The following PRDM6 variants were observed in gnomAD, a reference collection of about 807,000 sequenced individuals.
PRDM6 encodes the protein putative histone-lysine N-methyltransferase PRDM6.
Under a neutral mutation model 60.8 loss-of-function variants are expected in PRDM6, and 25 were observed. The ratio of observed to expected loss-of-function variants is 0.41; its 90% confidence interval spans 0.30 to 0.57. The LOEUF (loss-of-function observed/expected upper bound fraction) is 0.57, where lower values mean the gene tolerates loss of function less well. Among genes scored for constraint, PRDM6 ranks in the 20% least tolerant of loss-of-function variants. The probability of loss-of-function intolerance (pLI) is 0.27; values close to 1 mark genes in which losing one functional copy is unlikely to be tolerated. For synonymous variants in PRDM6, 407 were observed against 357.4 expected, an observed-to-expected ratio of 1.14 and a Z score of -1.57; for missense variants, 839 against 821.3, an observed-to-expected ratio of 1.02 and a Z score of -0.26.
At chr5:123,100,592 G>A (rs1468415386) in intron 3 of PRDM6, among the ~76,000 whole-genome samples, 2 of 152,208 alleles carry the variant, frequency 1.3e-5, no homozygotes, top group Non-Finnish European at 2.9e-5. Flanking sequence ...ATCAGAAATC[G>A]CAAATTCTGC....
At chr5:123,152,905 A>G (rs1396705050) in intron 3 of PRDM6, among the ~76,000 whole-genome samples, 2 of 152,200 alleles carry the variant, frequency 1.3e-5, no homozygotes, top group African/African-American at 4.8e-5. Flanking sequence ...CATTATTTCA[A>G]CCATATGTGT....
At chr5:123,134,047 T>A (rs534203073) in intron 3 of PRDM6, among the ~76,000 whole-genome samples, 1 of 152,274 alleles carries the variant, frequency 6.6e-6, no homozygotes, top group South Asian at 2.1e-4. Context: ...TACAAACTTT[T>A]GGGTTACTTC....
intron 6 of PRDM6, among the ~76,000 whole-genome samples, chr5:123,175,810 T>G (rs1765994668): frequency 6.6e-6 from 1 of 152,220 alleles, no homozygotes; most frequent in Non-Finnish European, 1.5e-5. Flanking sequence ...GTTAAATGTT[T>G]CATCCTTTTC....
At chr5:123,174,257 C>T (rs112461196) in intron 6 of PRDM6, among the ~76,000 whole-genome samples, 24 of 152,320 alleles carry the variant, frequency 1.6e-4, no homozygotes, top group African/African-American at 4.8e-4. Flanking sequence ...TTGGGATGCT[C>T]AACCTGTATA....
chr5:123,183,035 T>C (rs1051303014), intron 7 of PRDM6, among the ~76,000 whole-genome samples: 5 of 152,236 alleles, frequency 3.3e-5, no homozygotes, highest in Non-Finnish European at 7.3e-5. Context: ...TTGTAAATAT[T>C]ATGAAGATAT....
intron 6 of PRDM6, among the ~76,000 whole-genome samples, chr5:123,177,036 C>A (rs1432383243): frequency 6.6e-6 from 1 of 152,120 alleles, no homozygotes; most frequent in Non-Finnish European, 1.5e-5. Context: ...TTGAAATGGG[C>A]AAACATAGTC....
chr5:123,184,104 A>G (rs1421840535), intron 7 of PRDM6, among the ~76,000 whole-genome samples: 1 of 152,204 alleles, frequency 6.6e-6, no homozygotes, highest in Non-Finnish European at 1.5e-5. Flanking sequence ...CAAGAAGCAA[A>G]TCAGTAAATA....
At chr5:123,140,732 T>A (rs1765078128) in intron 3 of PRDM6, among the ~76,000 whole-genome samples, 1 of 152,072 alleles carries the variant, frequency 6.6e-6, no homozygotes, top group African/African-American at 2.4e-5. Flanking sequence ...GAAAAACAGG[T>A]TTCATGAATA....
At chr5:123,173,190 CAA>C (rs60742506) in intron 6 of PRDM6, among the ~76,000 whole-genome samples, 3 of 119,276 alleles carry the variant, frequency 2.5e-5, no homozygotes, top group Admixed American at 8.5e-5. Context: ...GACTCCATCT[CAA>C]AAAAAAAAAA....
intron 5 of PRDM6, among the ~76,000 whole-genome samples, chr5:123,163,481 C>T (rs1038348886): frequency 2.0e-5 from 3 of 152,182 alleles, no homozygotes; most frequent in African/African-American, 7.2e-5. Flanking sequence ...TTGAAAGCTG[C>T]CTTGACTCAG....
chr5:123,099,592 G>T lies in PRDM6; in HGVS notation c.593-62G>T. ...TTGTCTCGGGAGTTTACTCAAAGAT[G>T]GGCCGCTCGGGGCGGCCGGATTAAC... is the stretch of plus-strand genomic sequence containing the variant. On this transcript the variant is annotated intron_variant, in intron 2 of 7. Transcript: ENST00000407847. This position sits in a 1 kb window ranked among gnomAD's most constrained non-coding sequence, Gnocchi z 4.0. The T allele has an allele frequency of 7.2e-7, 1 of 1,383,596 alleles. No homozygotes were observed. The highest frequency in any genetic ancestry group is 1.6e-5 in the South Asian group (1 of 61,416). The allele number at this position is 1,383,596 out of a possible 1,614,324, so 85.7% of individuals were successfully genotyped here.
chr5:123,090,602 C>T lies in PRDM6; in HGVS notation c.588C>T (p.Asn196=). Residue 196 remains asparagine (N), a synonymous_variant, in exon 2 of 8, where the codon AAC becomes AAT. Transcript: ENST00000407847. ...IPLNQHTSDP[N]NRCDMCADNR... ...TCAACCAGCACACCAGCGACCCCAA[C>T]AACCGTACGTAGCCGCAGCCCGCGC... 6.6e-7 allele frequency: 1 copy of T among 1,521,970 alleles called. No individual in the cohort carries two copies. Among genetic ancestry groups the T allele is most frequent in the Non-Finnish European group, 8.8e-7 (1 of 1,142,180 alleles). 94.3% of individuals were successfully genotyped at this position (1,521,970 alleles called of 1,614,324 possible).
At chr5:123,090,740 C>T in intron 2 of PRDM6, 134 bp downstream of exon 2, 1 of 652,140 alleles carries the variant, frequency 1.5e-6, no homozygotes, top group Non-Finnish European at 2.4e-6. Flanking sequence ...TGGTCCTGGC[C>T]GCTGGCCCGC....
intron 3 of PRDM6, among the ~76,000 whole-genome samples, chr5:123,121,311 T>C (rs1764575952): frequency 6.6e-6 from 1 of 152,208 alleles, no homozygotes; most frequent in South Asian, 2.1e-4. Context: ...TTTTTTTCTT[T>C]CTATTCTTGT....
In PRDM6 at chr5:123,146,598, A is replaced by ATGT. The variant is rs145595881; in HGVS notation, c.901-9269_901-9267dup. Among the ~76,000 whole-genome samples the ATGT allele has an allele frequency of 9.3e-3, 1,417 of 152,194 alleles. 30 individuals carry two copies. The highest frequency in any genetic ancestry group is 0.032 in the African/African-American group (1,342 of 41,522). ...AAATTGATACTTTCTCATATGTAGC[A>ATGT]TGTTGTTGTTGTTGTTGTTTCCAAA... On this transcript the variant is annotated intron_variant, in intron 3 of 7. Transcript: ENST00000407847.
intron 3 of PRDM6, among the ~76,000 whole-genome samples, chr5:123,141,810 G>A (rs572459861): frequency 1.3e-5 from 2 of 152,272 alleles, no homozygotes; most frequent in African/African-American, 4.8e-5. Context: ...CACTTAGTGT[G>A]TGTCAGGCTC....
chr5:123,131,013 G>A (rs1764822943), intron 3 of PRDM6, among the ~76,000 whole-genome samples: 1 of 152,214 alleles, frequency 6.6e-6, no homozygotes. Context: ...CAGTGCCACT[G>A]CAATCCTGCT....
At chr5:123,090,650 C>T (rs1316052227) in intron 2 of PRDM6, 44 bp downstream of exon 2, 43 of 1,252,604 alleles carry the variant, frequency 3.4e-5, no homozygotes, top group East Asian at 6.9e-5. Flanking sequence ...GGCGCCGGCG[C>T]CGGCGCCGGC....
chr5:123,151,744 C>A (rs1445580042), intron 3 of PRDM6, among the ~76,000 whole-genome samples: 1 of 152,036 alleles, frequency 6.6e-6, no homozygotes, highest in Non-Finnish European at 1.5e-5. Context: ...AGGAAATGTG[C>A]TGCCTGTGCT....
Sources: allele counts gnomAD v4.1 joint callset (sites outside exome capture counted in the v4.1 genomes callset), GRCh38; gene constraint gnomAD v4.1.1; non-coding constraint Gnocchi (gnomAD v3.1); transcripts MANE v1.5; gene names NCBI Gene and HGNC (gene_info 2026-07-23, HGNC 2026-07-21).